Variants in PARD6B observed in about 807,000 individuals in gnomAD.
PARD6B encodes par-6 family cell polarity regulator beta, also known as partitioning defective 6 homolog beta.
In PARD6B, 4 loss-of-function variants were observed where a neutral mutation model predicts 10.5. The observed-to-expected ratio is 0.38, with a 90% CI of 0.19 to 0.87. The LOEUF (loss-of-function observed/expected upper bound fraction) is 0.87. PARD6B is among the 40% of genes least tolerant of loss of function. The pLI, the probability that PARD6B is intolerant of heterozygous loss-of-function variation, is 0.41. For synonymous variants in PARD6B, 169 were observed against 170.4 expected (o/e 0.99, Z 0.07); for missense variants, 396 against 470.6 (o/e 0.84, Z 1.47).
At chr20:50,738,741 G>C (rs2123701059) in intron 2 of PARD6B, among the ~76,000 whole-genome samples, 1 of 152,224 alleles carries the variant, frequency 6.6e-6, no homozygotes, top group East Asian at 1.9e-4. Flanking sequence ...ATTGTGGAAG[G>C]ATGTAAACAC....
intron 2 of PARD6B, among the ~76,000 whole-genome samples, chr20:50,746,810 TA>T (rs1298591223): frequency 2.6e-5 from 4 of 152,238 alleles, no homozygotes; most frequent in Non-Finnish European, 5.9e-5. Context: ...TCTCAGTTTA[TA>T]TGGTCTGGAA....
chr20:50,753,273 CTG>C lies in PARD6B; in HGVS notation c.*2787_*2788del. ...ATCAATGGTATTTTCAAGTAGATCT[CTG>C]TTTCTTAAATTATTGGTGAAATAAT... On this transcript the variant is annotated 3_prime_UTR_variant, in exon 3 of 3. Coordinates refer to ENST00000371610, the MANE Select transcript of PARD6B (RefSeq NM_032521.3). The C allele has an allele frequency of 7.1e-6, 7 of 983,828 alleles. No homozygotes were observed. The highest frequency in any genetic ancestry group is 8.5e-6 in the Non-Finnish European group (7 of 828,224). 60.9% of individuals were successfully genotyped at this position (983,828 alleles called of 1,614,324 possible). A position where few individuals can be genotyped will look rare whatever the true frequency, so the allele number is the denominator to read the frequency against.
chr20:50,733,669 G>T (rs1374423507), intron 1 of PARD6B, among the ~76,000 whole-genome samples: 2 of 152,190 alleles, frequency 1.3e-5, no homozygotes, highest in African/African-American at 4.8e-5. Flanking sequence ...TCCATGCCCA[G>T]TGGTTGAACC....
intron 1 of PARD6B, among the ~76,000 whole-genome samples, chr20:50,735,997 T>C (rs2087497535): frequency 6.6e-6 from 1 of 152,130 alleles, no homozygotes; most frequent in Non-Finnish European, 1.5e-5. Context: ...GTTCCCTGAG[T>C]TTTTATTTAC....
chr20:50,741,910 TA>T (rs1481110653), intron 2 of PARD6B, among the ~76,000 whole-genome samples: 1 of 152,150 alleles, frequency 6.6e-6, no homozygotes, highest in Non-Finnish European at 1.5e-5. Context: ...ATGTAAACCT[TA>T]ATGAACATTT....
Position 50,737,899 on chromosome 20 carries a change from C to G in PARD6B, c.109C>G (p.Pro37Ala). 1.2e-6 allele frequency: 2 copies of G among 1,605,188 alleles called. No homozygotes were observed. Among genetic ancestry groups the G allele is most frequent in the Non-Finnish European group, 1.7e-6 (2 of 1,176,320 alleles). Residue 37 changes from proline to alanine, a missense_variant, in exon 2 of 3, where the codon CCT (proline) becomes GCT (alanine). By Grantham distance (27) the Pro-to-Ala change is conservative. Coordinates refer to ENST00000371610, the MANE Select transcript of PARD6B (RefSeq NM_032521.3). Reference protein sequence around the residue: ...FRRFSLERSKPGKFEEFYGLL... With the variant: ...FRRFSLERSKAGKFEEFYGLL... ...TCGGTTTTCGCTGGAAAGATCAAAA[C>G]CTGGAAAATTTGAGGAGTTTTATGG...
intron 1 of PARD6B, among the ~76,000 whole-genome samples, chr20:50,736,635 C>T (rs2123699444): frequency 6.6e-6 from 1 of 152,050 alleles, no homozygotes; most frequent in South Asian, 2.1e-4. Context: ...CCATGTTATT[C>T]CCACAGTGTT....
At chr20:50,744,424 G>C (rs998541203) in intron 2 of PARD6B, among the ~76,000 whole-genome samples, 3 of 152,106 alleles carry the variant, frequency 2.0e-5, no homozygotes, top group Admixed American at 1.3e-4. Context: ...GGCTGCAGTA[G>C]CTTCTTGTCC....
intron 2 of PARD6B, among the ~76,000 whole-genome samples, chr20:50,747,713 C>T (rs899443452): frequency 6.6e-6 from 1 of 151,960 alleles, no homozygotes; most frequent in East Asian, 1.9e-4. Context: ...AGACTATCTT[C>T]CTTCAGCCAT....
chr20:50,752,889 C>T lies in PARD6B; in HGVS notation c.*2401C>T. The T allele has an allele frequency of 2.0e-6, 2 of 982,614 alleles. No individual in the cohort carries two copies. The highest frequency in any genetic ancestry group is 2.4e-6 in the Non-Finnish European group (2 of 826,982). 60.9% of individuals were successfully genotyped at this position (982,614 alleles called of 1,614,324 possible). A position where few individuals can be genotyped will look rare whatever the true frequency, so the allele number is the denominator to read the frequency against. ...TACGTTGTACTTTTTGTTGAATTCA[C>T]CGAAGTTCTTCCATTTATATGCTAT... On this transcript the variant is annotated 3_prime_UTR_variant, in exon 3 of 3. Transcript: ENST00000371610.
chr20:50,743,078 C>A (rs1037017500), intron 2 of PARD6B, among the ~76,000 whole-genome samples: 5 of 152,144 alleles, frequency 3.3e-5, no homozygotes, highest in African/African-American at 1.2e-4. Flanking sequence ...TTGCTGTGCA[C>A]TAAAAATTTT....
Position 50,749,735 on chromosome 20 carries a change from T to C in PARD6B, c.366T>C (p.Pro122=). The C allele has an allele frequency of 6.2e-7, 1 of 1,614,118 alleles. No individual in the cohort carries two copies. The highest frequency in any genetic ancestry group is 8.5e-7 in the Non-Finnish European group (1 of 1,180,000). The change falls in exon 3 of 3, where the codon CCT becomes CCC. Residue 122 remains proline (P), a synonymous_variant. Transcript: ENST00000371610. ...KKNVLTNVLR[P]DNHRKKPHIV... is the part of the protein sequence containing the mutation. ...ATGTTTTAACCAACGTATTGCGTCC[T>C]GACAACCATAGAAAAAAGCCACATA...
chr20:50,733,571 T>C (rs2087483913), intron 1 of PARD6B, among the ~76,000 whole-genome samples: 1 of 149,038 alleles, frequency 6.7e-6, no homozygotes, highest in Admixed American at 6.9e-5. Flanking sequence ...GCATAGCAAA[T>C]TGAAGTGACT....
chr20:50,750,550 T>A lies in PARD6B; in HGVS notation c.*62T>A. On this transcript the variant is annotated 3_prime_UTR_variant, in exon 3 of 3. Transcript: ENST00000371610. The stretch of plus-strand genomic sequence containing the variant: ...TGAGGACTTGTACATTTGGCTAGTT[T>A]AAAAGCATATATACCTCTGACCAGT... 1 of 1,541,626 alleles carries A rather than the reference T, an allele frequency of 6.5e-7. No homozygotes were observed. Among genetic ancestry groups the A allele is most frequent in the Non-Finnish European group, 8.7e-7 (1 of 1,148,768 alleles).
At chr20:50,742,435 G>A (rs903875996) in intron 2 of PARD6B, among the ~76,000 whole-genome samples, 1 of 150,164 alleles carries the variant, frequency 6.7e-6, no homozygotes, top group South Asian at 2.1e-4. Flanking sequence ...GTGTGATCTC[G>A]GCTCACTGCA....
rs2123696807 is a variant in PARD6B, at chr20:50,731,870, T to G, written c.66+18T>G. 7.0e-7 allele frequency: 1 copy of G among 1,425,760 alleles called. No individual in the cohort carries two copies. 88.3% of individuals were successfully genotyped at this position (1,425,760 alleles called of 1,614,324 possible). A position where few individuals can be genotyped will look rare whatever the true frequency, so the allele number is the denominator to read the frequency against. On this transcript the variant is annotated intron_variant, in intron 1 of 2. Coordinates refer to ENST00000371610, the MANE Select transcript of PARD6B (RefSeq NM_032521.3). ...AGAGCAAGGTGCGCGGGGCCCGGGC[T>G]GGGCGGAGCGGCGGGCCTGGGGGGC...
intron 1 of PARD6B, among the ~76,000 whole-genome samples, chr20:50,734,662 T>C (rs536293254): frequency 6.6e-6 from 1 of 152,064 alleles, no homozygotes; most frequent in South Asian, 2.1e-4. Context: ...ACCTAGCTGG[T>C]CCATTTTTCT....
Position 50,740,214 on chromosome 20 carries a change from G to A in PARD6B, c.289+2135G>A, listed in dbSNP as rs757802396. Among the ~76,000 whole-genome samples, 113 of 152,210 alleles carry A rather than the reference G, an allele frequency of 7.4e-4. 1 individual carries two copies. The highest frequency in any genetic ancestry group is 5.6e-4 in the Non-Finnish European group (38 of 68,032). ...AGTAGACATAAAGGCTATCTGAGAT[G>A]AAGACCATGGATAGAACCTTGGAAA... On this transcript the variant is annotated intron_variant, in intron 2 of 2. Coordinates refer to ENST00000371610, the MANE Select transcript of PARD6B (RefSeq NM_032521.3).
At chr20:50,748,644 A>C (rs959189889) in intron 2 of PARD6B, among the ~76,000 whole-genome samples, 1 of 152,034 alleles carries the variant, frequency 6.6e-6, no homozygotes, top group Non-Finnish European at 1.5e-5. Context: ...CTCCCATCTC[A>C]GCCTCCCAAG....
Sources: gnomAD v4.1 joint callset for allele counts (sites outside exome capture counted in the v4.1 genomes callset) on GRCh38, gnomAD v4.1.1 for gene constraint, MANE v1.5 for transcripts, NCBI Gene and HGNC (gene_info 2026-07-23, HGNC 2026-07-21) for gene names.